The following PTGER4 variants were observed in gnomAD, a reference collection of about 807,000 sequenced individuals.
PTGER4 encodes the protein prostaglandin E2 receptor EP4 subtype.
Under a neutral mutation model 33.2 loss-of-function variants are expected in PTGER4, and 11 were observed. That is an observed-to-expected ratio of 0.33 (90% CI 0.21 to 0.55). The LOEUF (loss-of-function observed/expected upper bound fraction) is 0.55. Among genes scored for constraint, PTGER4 ranks in the 20% least tolerant of loss-of-function variants. The pLI is 0.92. For missense variants in PTGER4, 481 were observed against 650.2 expected, an observed-to-expected ratio of 0.74 and a Z score of 2.83; for synonymous variants, 275 against 281.5, an observed-to-expected ratio of 0.98 and a Z score of 0.23.
chr5:40,719,160 T>C, the PTGER4 span, among the ~76,000 whole-genome samples: 14 of 152,188 alleles, frequency 9.2e-5, no homozygotes, highest in South Asian at 1.7e-3. Flanking sequence ...CATAATCAAT[T>C]CTAGAACATT....
chr5:40,711,215 A>G, the PTGER4 span, among the ~76,000 whole-genome samples: 7 of 152,118 alleles, frequency 4.6e-5, no homozygotes, highest in South Asian at 2.1e-4. Flanking sequence ...AAGATGACTT[A>G]AATCAAAAAT....
the PTGER4 span, among the ~76,000 whole-genome samples, chr5:40,721,494 T>G: frequency 6.6e-6 from 1 of 152,094 alleles, no homozygotes; most frequent in Admixed American, 6.6e-5. Flanking sequence ...GCATTAAGTA[T>G]ACATAATGAG....
At chr5:40,725,198 G>A in the PTGER4 span, among the ~76,000 whole-genome samples, 6 of 147,966 alleles carry the variant, frequency 4.1e-5, no homozygotes, top group Admixed American at 2.7e-4. Flanking sequence ...ATGCTACCCA[G>A]GTTGGTCCAA....
chr5:40,745,177 C>A, the PTGER4 span, among the ~76,000 whole-genome samples: 1 of 152,122 alleles, frequency 6.6e-6, no homozygotes, highest in African/African-American at 2.4e-5. Context: ...AATCTGTGAA[C>A]TCCTTAGATC....
chr5:40,681,807 A>T lies in PTGER4; in HGVS notation c.814A>T (p.Ile272Phe), dbSNP rs754807266. 2.0e-5 allele frequency: 31 copies of T among 1,588,270 alleles called. No individual in the cohort carries two copies. The Middle Eastern group carries it at 5.1e-4, about 26-fold the overall frequency. ...CGCGGGCGCCGAGATCCAGATGGTCATCTTACTCATTGCCACCTCCCTGGT... is the reference window on the plus strand; with the variant it reads ...CGCGGGCGCCGAGATCCAGATGGTCTTCTTACTCATTGCCACCTCCCTGGT... ...RIAGAEIQMVILLIATSLVVL... is the reference protein window; with the variant it reads ...RIAGAEIQMVFLLIATSLVVL... Residue 272 changes from isoleucine (I) to phenylalanine (F), a missense_variant, in exon 2 of 3, where the codon ATC becomes TTC. Ile to Phe is a conservative substitution (Grantham distance 21). Around this residue, in one of 7 missense-constraint regions of PTGER4, gnomAD observed 174 missense variants for 210.5 expected, o/e 0.83. Coordinates refer to ENST00000302472, the MANE Select transcript of PTGER4 (RefSeq NM_000958.3). The surrounding 1 kb of genome is among the most constrained non-coding windows in gnomAD (Gnocchi z 9.8).
At chr5:40,684,292 C>T (rs1344564018) in intron 2 of PTGER4, among the ~76,000 whole-genome samples, 2 of 152,124 alleles carry the variant, frequency 1.3e-5, no homozygotes, top group African/African-American at 4.8e-5. Context: ...TTGAGCTTAT[C>T]TTCAGTTCCA....
the PTGER4 span, among the ~76,000 whole-genome samples, chr5:40,726,162 C>T: frequency 0.03 from 539 of 17,928 alleles, 7 homozygotes; most frequent in South Asian, 0.22. Context: ...TATATATATA[C>T]ACACACACAC....
the PTGER4 span, among the ~76,000 whole-genome samples, chr5:40,722,226 A>G: frequency 6.7e-6 from 1 of 149,340 alleles, no homozygotes; most frequent in African/African-American, 2.5e-5. Context: ...TCAGTGCTCA[A>G]TGTTGCCCAG....
At chr5:40,728,564 A>AT in the PTGER4 span, 1 of 1,279,502 alleles carries the variant, frequency 7.8e-7, no homozygotes, top group East Asian at 2.6e-5. Context: ...TTTAAGATAT[A>AT]TTTTTAGTCC....
the PTGER4 span, among the ~76,000 whole-genome samples, chr5:40,722,397 C>A: frequency 3.3e-5 from 5 of 151,718 alleles, no homozygotes; most frequent in Non-Finnish European, 7.4e-5. Flanking sequence ...CCCCTCTGCC[C>A]GGCCGCCCAG....
At chr5:40,708,791 T>C in the PTGER4 span, among the ~76,000 whole-genome samples, 1 of 151,846 alleles carries the variant, frequency 6.6e-6, no homozygotes, top group South Asian at 2.1e-4. Flanking sequence ...CAATAAAATA[T>C]TGGCAAACTG....
chr5:40,743,399 T>C, the PTGER4 span, among the ~76,000 whole-genome samples: 1 of 152,212 alleles, frequency 6.6e-6, no homozygotes, highest in East Asian at 1.9e-4. Context: ...GTTGATTTGG[T>C]AGGCAGGGAC....
intron 2 of PTGER4, among the ~76,000 whole-genome samples, chr5:40,688,275 T>TAC (rs1353527541): frequency 6.6e-6 from 1 of 152,138 alleles, no homozygotes; most frequent in Admixed American, 6.6e-5. Context: ...GAGATGGCTT[T>TAC]ACACAGTGCT....
In PTGER4 at chr5:40,680,806, A is replaced by T; in HGVS notation, c.-43-145A>T. On this transcript the variant is annotated intron_variant, in intron 1 of 2. Transcript: ENST00000302472. The surrounding 1 kb of genome is among the most constrained non-coding windows in gnomAD (Gnocchi z 5.5). ...CGAGCCTGGAGATTTTGGTGGCCGC[A>T]GTTGGTAAGTGGCTACAATCCAGAA... is the stretch of plus-strand genomic sequence containing the variant. The T allele has an allele frequency of 5.7e-6, 4 of 703,350 alleles. No individual in the cohort carries two copies. In the South Asian group the frequency reaches 7.9e-5, roughly 14 times the overall value. The allele number at this position is 703,350 out of a possible 1,614,324, so 43.6% of individuals were successfully genotyped here.
the PTGER4 span, among the ~76,000 whole-genome samples, chr5:40,732,866 C>T: frequency 1.3e-5 from 2 of 152,078 alleles, no homozygotes; most frequent in African/African-American, 4.8e-5. Flanking sequence ...CCTCGGCCTC[C>T]CAAAGTGCTG....
chr5:40,713,416 C>A, the PTGER4 span, among the ~76,000 whole-genome samples: 2 of 152,062 alleles, frequency 1.3e-5, no homozygotes, highest in African/African-American at 4.8e-5. Flanking sequence ...TTTAAAAAAT[C>A]TTTATAGTTT....
At chr5:40,731,891 A>G in the PTGER4 span, among the ~76,000 whole-genome samples, 18 of 152,234 alleles carry the variant, frequency 1.2e-4, no homozygotes, top group Non-Finnish European at 2.5e-4. Context: ...CCACATAGCA[A>G]CACTTATATT....
At chr5:40,745,319 C>A in the PTGER4 span, among the ~76,000 whole-genome samples, 3 of 151,918 alleles carry the variant, frequency 2.0e-5, no homozygotes, top group South Asian at 6.2e-4. Context: ...AAGATAATAT[C>A]CTTATTCTTA....
chr5:40,732,809 T>C, the PTGER4 span, among the ~76,000 whole-genome samples: 3 of 152,252 alleles, frequency 2.0e-5, no homozygotes, highest in Non-Finnish European at 4.4e-5. Context: ...GGTTTCACCA[T>C]GTTGGCCAGG....
Sources: gnomAD v4.1 joint callset for allele counts (sites outside exome capture counted in the v4.1 genomes callset) on GRCh38, gnomAD v4.1.1 for gene constraint, gnomAD v4.1.1 regional missense constraint, Gnocchi (gnomAD v3.1) non-coding constraint, MANE v1.5 for transcripts, NCBI Gene and HGNC (gene_info 2026-07-23, HGNC 2026-07-21) for gene names.